MATR3: variants seen among roughly 807,000 people sequenced by gnomAD.
The protein encoded by MATR3 is matrin 3.
Under a neutral mutation model 85.5 loss-of-function variants are expected in MATR3, and 4 were observed. That is an observed-to-expected ratio of 0.05 (90% CI 0.02 to 0.11). MATR3 has a LOEUF of 0.11. MATR3 is among the 10% of genes least tolerant of loss of function. The probability of loss-of-function intolerance (pLI) is 1.00; values close to 1 mark genes in which losing one functional copy is unlikely to be tolerated. For synonymous variants in MATR3, 336 were observed against 343.1 expected, an observed-to-expected ratio of 0.98 and a Z score of 0.23; for missense variants, 685 against 1,016.1, an observed-to-expected ratio of 0.67 and a Z score of 4.43.
chr5:139,292,550 C>G (rs140057995), upstream of MATR3, among the ~76,000 whole-genome samples: 1,574 of 152,276 alleles, frequency 0.01, 9 homozygotes, highest in Non-Finnish European at 0.016. Context: ...GGGTACCTAA[C>G]CAGTACCTCA....
rs764453967 is a variant in MATR3 at position 139,308,237 on chromosome 5, A to G, written c.822A>G (p.Pro274=). The G allele has an allele frequency of 6.2e-7, 1 of 1,614,112 alleles. No individual in the cohort carries two copies. The highest frequency in any genetic ancestry group is 8.5e-7 in the Non-Finnish European group (1 of 1,180,020). The change falls in exon 2 of 15, where the codon CCA becomes CCG. Residue 274 remains proline, a synonymous_variant. Coordinates refer to ENST00000394805, the MANE Select transcript of MATR3 (RefSeq NM_018834.6). The part of the protein sequence containing the change: ...SLFEKKRGAP[P]SSNIEDFHGL... The stretch of plus-strand genomic sequence containing the variant: ...TTGAGAAAAAGAGAGGCGCTCCTCC[A>G]AGTAGCAATATTGAAGACTTCCATG...
intron 9 of MATR3, among the ~76,000 whole-genome samples, chr5:139,320,284 G>A (rs1462395142): frequency 2.6e-5 from 4 of 152,032 alleles, no homozygotes; most frequent in Non-Finnish European, 5.9e-5. Flanking sequence ...ACCCATCCTG[G>A]GTGACAGAGC....
intron 1 of MATR3, among the ~76,000 whole-genome samples, chr5:139,295,782 T>C (rs1045395831): frequency 6.6e-6 from 1 of 152,150 alleles, no homozygotes; most frequent in African/African-American, 2.4e-5. Context: ...CAGTTGCAAA[T>C]AGTAGCAGTG....
chr5:139,325,313 T>A, intron 12 of MATR3, 127 bp from the exon 13 acceptor site: 2 of 1,562,364 alleles, frequency 1.3e-6, no homozygotes, highest in South Asian at 1.2e-5. Context: ...TTCCAGGGAG[T>A]ATGGAAGGTT....
chr5:139,314,831 C>T, intron 3 of MATR3, 95 bp downstream of exon 3: 1 of 1,079,160 alleles, frequency 9.3e-7, no homozygotes, highest in South Asian at 1.3e-5. Context: ...GTAATATCCA[C>T]AATGTTAATA....
chr5:139,288,299 T>C (rs905613082), intron 3 of MATR3, among the ~76,000 whole-genome samples: 2 of 114,670 alleles, frequency 1.7e-5, no homozygotes, highest in African/African-American at 5.4e-5. Context: ...GTTATATTTC[T>C]TTTGAATCTC....
chr5:139,325,520 A>C lies in MATR3; in HGVS notation c.2229A>C (p.Pro743=), dbSNP rs746175684. The C allele has an allele frequency of 4.3e-6, 7 of 1,614,234 alleles. No individual in the cohort carries two copies. In the East Asian group the frequency reaches 1.6e-4, roughly 36 times the overall value. ...NGIKNEENTE[P]GAESSENADD... ...TTAAAAATGAGGAAAACACAGAACC[A>C]GGTGCTGAATCTTCTGAGAACGCTG... The change falls in exon 13 of 15, where the codon CCA becomes CCC. Residue 743 remains proline, a synonymous_variant. Transcript: ENST00000394805.
chr5:139,296,943 G>T (rs1754186072), intron 1 of MATR3, among the ~76,000 whole-genome samples: 1 of 152,192 alleles, frequency 6.6e-6, no homozygotes, highest in Non-Finnish European at 1.5e-5. Flanking sequence ...GCCAAGGCGG[G>T]CGGATCATCT....
chr5:139,287,355 A>G (rs1198824141), intron 3 of MATR3, among the ~76,000 whole-genome samples: 1 of 152,226 alleles, frequency 6.6e-6, no homozygotes, highest in Admixed American at 6.5e-5. Flanking sequence ...GAGGAGGCTC[A>G]CGCCTGTAAT....
At chr5:139,279,870 G>A (rs1327984164) in intron 3 of MATR3, 1 of 152,232 alleles carries the variant, frequency 6.6e-6, no homozygotes. Flanking sequence ...GCTCTGCTGT[G>A]CAGTAGGTAT....
intron 14 of MATR3, among the ~76,000 whole-genome samples, chr5:139,328,696 G>T (rs1277815525): frequency 6.6e-6 from 1 of 152,146 alleles, no homozygotes; most frequent in Non-Finnish European, 1.5e-5. Flanking sequence ...GTTTGTTCAG[G>T]TGATTTAATG....
intron 3 of MATR3, among the ~76,000 whole-genome samples, chr5:139,286,779 G>T (rs1254651232): frequency 6.6e-6 from 1 of 151,724 alleles, no homozygotes; most frequent in Non-Finnish European, 1.5e-5. Context: ...GGGAGGCGGA[G>T]GTTGCAGTGA....
intron 1 of MATR3, among the ~76,000 whole-genome samples, chr5:139,296,512 CAT>C (rs373730892): frequency 1.1e-4 from 16 of 152,110 alleles, no homozygotes; most frequent in South Asian, 2.1e-4. Context: ...AAATGAAAAA[CAT>C]ATTTTGTAAA....
chr5:139,294,163 T>A lies in MATR3; in HGVS notation c.-178+358T>A, dbSNP rs1001877221. 2.6e-5 allele frequency: 23 copies of A among 874,722 alleles called. No homozygotes were observed. In the African/African-American group the frequency reaches 4.0e-4, roughly 15 times the overall value. 54.2% of individuals were successfully genotyped at this position (874,722 alleles called of 1,614,324 possible). A position where few individuals can be genotyped will look rare whatever the true frequency, so the allele number is the denominator to read the frequency against. On this transcript the variant is annotated intron_variant, in intron 1 of 14. Coordinates refer to ENST00000394805, the MANE Select transcript of MATR3 (RefSeq NM_018834.6). Reference sequence around the variant, plus strand: ...TCGTTGTGGGCGGGGGCGGGACGACTAGCCCGTTACACGCGGGCCGCGGCG... The same window carrying A: ...TCGTTGTGGGCGGGGGCGGGACGACAAGCCCGTTACACGCGGGCCGCGGCG...
upstream of MATR3, among the ~76,000 whole-genome samples, chr5:139,292,464 GA>G (rs757512115): frequency 2.0e-5 from 3 of 152,194 alleles, no homozygotes; most frequent in Non-Finnish European, 4.4e-5. Context: ...TGGTTGGGGA[GA>G]GAGTTGCAGC....
At chr5:139,328,195 C>A (rs980059612) in intron 14 of MATR3, among the ~76,000 whole-genome samples, 6 of 149,892 alleles carry the variant, frequency 4.0e-5, no homozygotes, top group South Asian at 2.1e-4. Flanking sequence ...AAAAAAAAAA[C>A]TTTGTCACCT....
chr5:139,279,621 G>C (rs908756178), intron 3 of MATR3: 9 of 158,862 alleles, frequency 5.7e-5, no homozygotes, highest in African/African-American at 2.2e-4. Flanking sequence ...CTCCTGCCTC[G>C]GCCTCCTGAG....
chr5:139,300,049 G>A (rs1167294709), intron 1 of MATR3: 1 of 140,024 alleles, frequency 7.1e-6, no homozygotes, highest in East Asian at 2.0e-4. Context: ...CTGCAATATA[G>A]ATAGTGTATT....
rs778835793 is a variant in MATR3 at position 139,329,563 on chromosome 5, A to T, written c.*168A>T. On this transcript the variant is annotated 3_prime_UTR_variant, in exon 15 of 15. Coordinates refer to ENST00000394805, the MANE Select transcript of MATR3 (RefSeq NM_018834.6). ...ATGTGTTAAGTGTTATAGCAAAAAA[A>T]ATACACATATGGTTAAGTTAATGAA... is the stretch of plus-strand genomic sequence containing the variant. 7.8e-6 allele frequency: 5 copies of T among 645,032 alleles called. No individual in the cohort carries two copies. Among genetic ancestry groups the T allele is most frequent in the South Asian group, 7.7e-5 (5 of 64,744 alleles). The allele number at this position is 645,032 out of a possible 1,614,324, so 40.0% of individuals were successfully genotyped here. A position where few individuals can be genotyped will look rare whatever the true frequency, so the allele number is the denominator to read the frequency against.
Sources: allele counts gnomAD v4.1 joint callset (sites outside exome capture counted in the v4.1 genomes callset), GRCh38; gene constraint gnomAD v4.1.1; transcripts MANE v1.5; gene names NCBI Gene and HGNC (gene_info 2026-07-23, HGNC 2026-07-21).